The following AACS variants were observed in gnomAD, a reference collection of about 807,000 sequenced individuals.
AACS encodes acetoacetyl-CoA synthetase.
Under a neutral mutation model 83.1 loss-of-function variants are expected in AACS, and 69 were observed. That is an observed-to-expected ratio of 0.83 (90% confidence interval 0.68 to 1.01). The LOEUF is 1.01. AACS is among the 50% of genes least tolerant of loss of function. The probability of loss-of-function intolerance (pLI) is 0.00; values close to 1 mark genes in which losing one functional copy is unlikely to be tolerated. For synonymous variants in AACS, 333 were observed against 343.4 expected (o/e 0.97, Z 0.33); for missense variants, 866 against 882.2 (o/e 0.98, Z 0.23).
At position 125,131,464 on chromosome 12, in the gene AACS, A is replaced by C. The variant is rs1031017965; in HGVS notation, c.1549+2004A>C. ...TGAGCTCAAGCAATCCTCCTGCCTC[A>C]GCCTCCTCAAGTGCCGGGATTACTA... On this transcript the variant is annotated intron_variant, in intron 14 of 17. Transcript: ENST00000316519. 1.2e-4 allele frequency among the ~76,000 whole-genome samples: 18 copies of C among 151,940 alleles called. No homozygotes were observed. The East Asian group carries it at 3.3e-3, about 28-fold the overall frequency.
At chr12:125,080,991 TTTTTA>T (rs761700115) in intron 3 of AACS, among the ~76,000 whole-genome samples, 2 of 145,614 alleles carry the variant, frequency 1.4e-5, no homozygotes, top group Non-Finnish European at 3.0e-5. Flanking sequence ...GTGCCTGGCC[TTTTTA>T]TTTTATTTTA....
intron 10 of AACS, chr12:125,123,902 G>A (rs1022851186): frequency 1.3e-5 from 2 of 152,276 alleles, no homozygotes; most frequent in Non-Finnish European, 2.9e-5. Flanking sequence ...TCAGCAGCGT[G>A]TGTTGTTCTG....
At chr12:125,104,244 C>T (rs1393330326) in intron 7 of AACS, among the ~76,000 whole-genome samples, 1 of 152,052 alleles carries the variant, frequency 6.6e-6, no homozygotes, top group Non-Finnish European at 1.5e-5. Flanking sequence ...CTCCTTGAGG[C>T]CTGGTGAGGA....
rs1305483437 is a variant in AACS at position 125,129,262 on chromosome 12, A to G, written c.1424-73A>G. 1 of 1,533,250 alleles carries G rather than the reference A, an allele frequency of 6.5e-7. No individual in the cohort carries two copies. The highest frequency in any genetic ancestry group is 8.8e-7 in the Non-Finnish European group (1 of 1,140,960). The allele number at this position is 1,533,250 out of a possible 1,614,324, so 95.0% of individuals were successfully genotyped here. On this transcript the variant is annotated intron_variant, in intron 13 of 17. Coordinates refer to ENST00000316519, the MANE Select transcript of AACS (RefSeq NM_023928.5). This position sits in a 1 kb window ranked among gnomAD's most constrained non-coding sequence, Gnocchi z 4.3. ...ATATTGCATAATAAGTAATAGCTTA[A>G]GAAAGAGAGAGAGACAGCCAGGGTG...
intron 16 of AACS, 43 bp from the exon 17 acceptor site, chr12:125,136,619 A>AG: frequency 6.3e-7 from 1 of 1,580,150 alleles, no homozygotes; most frequent in Non-Finnish European, 8.7e-7. Flanking sequence ...CCCCACACTG[A>AG]GGGGCCCCCT....
intron 8 of AACS, among the ~76,000 whole-genome samples, chr12:125,111,914 C>T (rs1236694206): frequency 2.0e-5 from 3 of 152,050 alleles, no homozygotes; most frequent in South Asian, 2.1e-4. Flanking sequence ...GGAGGAGGGC[C>T]CATCATTTGT....
At chr12:125,136,941 G>C in intron 17 of AACS, 77 bp downstream of exon 17, 1 of 1,476,062 alleles carries the variant, frequency 6.8e-7, no homozygotes, top group Non-Finnish European at 9.3e-7. Context: ...GCTTACATCT[G>C]AGCAGCTTGC....
At chr12:125,080,062 C>T (rs1157557843) in intron 3 of AACS, among the ~76,000 whole-genome samples, 1 of 152,174 alleles carries the variant, frequency 6.6e-6, no homozygotes, top group Admixed American at 6.6e-5. Context: ...AGTAATCTGC[C>T]ACAGTACAGG....
rs75053821 is a variant in AACS at position 125,089,422 on chromosome 12, C to G, written c.473-2004C>G. ...TGATGAGGCCTTGTTCATGGCCCTT[C>G]GTCTCGTGACTGCCTTCTGCCCTAC... is the stretch of plus-strand genomic sequence containing the variant. On this transcript the variant is annotated intron_variant, in intron 4 of 17. Coordinates refer to ENST00000316519, the MANE Select transcript of AACS (RefSeq NM_023928.5). 9.6e-3 allele frequency among the ~76,000 whole-genome samples: 1,469 copies of G among 152,252 alleles called. 5 individuals carry two copies. Among genetic ancestry groups the G allele is most frequent in the Admixed American group, 0.016 (244 of 15,296 alleles).
intron 3 of AACS, among the ~76,000 whole-genome samples, chr12:125,081,646 G>C (rs1054921260): frequency 2.0e-5 from 3 of 152,214 alleles, no homozygotes; most frequent in African/African-American, 4.8e-5. Context: ...GCTCCAGCGA[G>C]TAGAGCAAAC....
intron 14 of AACS, 40 bp from the exon 15 acceptor site, chr12:125,133,963 T>C (rs753265377): frequency 6.2e-7 from 1 of 1,610,208 alleles, no homozygotes; most frequent in Non-Finnish European, 8.5e-7. Flanking sequence ...TCATGGCCCC[T>C]TCTCCTCGGG....
At position 125,130,178 on chromosome 12, in the gene AACS, A is replaced by G. The variant is rs926562235; in HGVS notation, c.1549+718A>G. Among the ~76,000 whole-genome samples the G allele has an allele frequency of 6.6e-6, 1 of 152,260 alleles. No individual in the cohort carries two copies. The highest frequency in any genetic ancestry group is 2.4e-5 in the African/African-American group (1 of 41,476). ...CTCAAAAGGTAATCTGGTTTAGCAC[A>G]GACCACGTATGGAGAATCAGAAAGC... is the stretch of plus-strand genomic sequence containing the variant. On this transcript the variant is annotated intron_variant, in intron 14 of 17. Coordinates refer to ENST00000316519, the MANE Select transcript of AACS (RefSeq NM_023928.5). This position sits in a 1 kb window ranked among gnomAD's most constrained non-coding sequence, Gnocchi z 4.9.
Position 125,065,532 on chromosome 12 carries a change from C to T in AACS, c.-53C>T. 1 of 1,452,592 alleles carries T rather than the reference C, an allele frequency of 6.9e-7. No homozygotes were observed. The highest frequency in any genetic ancestry group is 9.1e-7 in the Non-Finnish European group (1 of 1,103,088). The allele number at this position is 1,452,592 out of a possible 1,614,324, so 90.0% of individuals were successfully genotyped here. ...CCCAGGTCCCCGGCCCTCGCCTCAG[C>T]CCCGGCCCCTGGTCCCCAGCCCTCG... On this transcript the variant is annotated 5_prime_UTR_variant, in exon 1 of 18. Transcript: ENST00000316519.
Position 125,124,952 on chromosome 12 carries a change from C to G in AACS, c.1237C>G (p.Pro413Ala). 6.2e-7 allele frequency: 1 copy of G among 1,614,230 alleles called. No homozygotes were observed. The highest frequency in any genetic ancestry group is 1.1e-5 in the South Asian group (1 of 91,078). The change falls in exon 12 of 18, where the codon CCA (proline) becomes GCA (alanine). Residue 413 changes from proline to alanine, a missense_variant. Pro to Ala is a conservative substitution (Grantham distance 27). Coordinates refer to ENST00000316519, the MANE Select transcript of AACS (RefSeq NM_023928.5). ...CCACACGATCCTGTCCACTGGCTCCCCACTGAAAGCCCAGAGCTACGAGTA... is the reference window on the plus strand; with the variant it reads ...CCACACGATCCTGTCCACTGGCTCCGCACTGAAAGCCCAGAGCTACGAGTA... ...MLHTILSTGSPLKAQSYEYVY... is the reference protein window; with the variant it reads ...MLHTILSTGSALKAQSYEYVY...
At chr12:125,118,485 T>A (rs1462136360) in intron 9 of AACS, 156 bp from the exon 10 acceptor site, 3 of 898,920 alleles carry the variant, frequency 3.3e-6, no homozygotes, top group African/African-American at 1.7e-5. Flanking sequence ...AGATGTGGAG[T>A]TGCCGGGCCA....
At chr12:125,075,826 T>TCA (rs1165355317) in intron 2 of AACS, among the ~76,000 whole-genome samples, 1 of 135,442 alleles carries the variant, frequency 7.4e-6, no homozygotes, top group East Asian at 2.3e-4. Context: ...GCTCCTGACC[T>TCA]TGTGACCCGC....
chr12:125,083,696 G>A (rs900982988), intron 3 of AACS, among the ~76,000 whole-genome samples: 12 of 152,012 alleles, frequency 7.9e-5, no homozygotes, highest in African/African-American at 2.9e-4. Context: ...CTCGGTCGCC[G>A]AGGCTGGAGT....
At chr12:125,083,052 C>G (rs139985122) in intron 3 of AACS, among the ~76,000 whole-genome samples, 2 of 152,348 alleles carry the variant, frequency 1.3e-5, no homozygotes, top group East Asian at 3.9e-4. Flanking sequence ...TAGTTTAGAA[C>G]AAACATTTCT....
chr12:125,134,758 G>T lies in AACS; in HGVS notation c.1620-36G>T, dbSNP rs377516436. 2.4e-5 allele frequency: 38 copies of T among 1,613,822 alleles called. 1 individual carries two copies. In the African/African-American group the frequency reaches 4.3e-4, roughly 18 times the overall value. ...CCCCTGGGACTTGCTTCACTCCAGA[G>T]CTGCGGTGTGGCCCTGACCTCTTCT... On this transcript the variant is annotated intron_variant, in intron 15 of 17. Coordinates refer to ENST00000316519, the MANE Select transcript of AACS (RefSeq NM_023928.5).
Sources: gnomAD v4.1 joint callset for allele counts (sites outside exome capture counted in the v4.1 genomes callset) on GRCh38, gnomAD v4.1.1 for gene constraint, Gnocchi (gnomAD v3.1) non-coding constraint, MANE v1.5 for transcripts, NCBI Gene and HGNC (gene_info 2026-07-23, HGNC 2026-07-21) for gene names.